Variants in SGIP1 observed in about 807,000 individuals in gnomAD.
SGIP1 encodes the protein SH3GL interacting endocytic adaptor 1, also known as SH3-containing GRB2-like protein 3-interacting protein 1.
SGIP1 carries 38 observed loss-of-function variants against 107.5 expected under a neutral mutation model. That is an observed-to-expected ratio of 0.35 (90% CI 0.27 to 0.46). SGIP1 has a LOEUF of 0.46. SGIP1 is among the 20% of genes least tolerant of loss of function. The probability of loss-of-function intolerance (pLI) is 1.00; values close to 1 mark genes in which losing one functional copy is unlikely to be tolerated. For synonymous variants in SGIP1, 365 were observed against 366.1 expected, an observed-to-expected ratio of 1.00 and a Z score of 0.03; for missense variants, 929 against 1,019.5, an observed-to-expected ratio of 0.91 and a Z score of 1.21.
At chr1:66,594,465 T>C (rs929490645) in intron 1 of SGIP1, among the ~76,000 whole-genome samples, 3 of 152,042 alleles carry the variant, frequency 2.0e-5, no homozygotes, top group Non-Finnish European at 4.4e-5. Context: ...TTTAGGAAGG[T>C]TGGTTCACAA....
intron 1 of SGIP1, among the ~76,000 whole-genome samples, chr1:66,624,400 A>G (rs4655642): frequency 0.53 from 80,323 of 152,106 alleles, 22,315 homozygotes; most frequent in East Asian, 0.87. Flanking sequence ...ATGTCAATAC[A>G]TTTTCCTATA....
chr1:66,687,818 G>A (rs900872371), intron 15 of SGIP1, among the ~76,000 whole-genome samples: 2 of 152,214 alleles, frequency 1.3e-5, no homozygotes, highest in African/African-American at 4.8e-5. Context: ...GTAGAGGAAG[G>A]TGGAGACAGA....
intron 24 of SGIP1, among the ~76,000 whole-genome samples, chr1:66,742,460 C>CGTTTTTTTT (rs2094478513): frequency 2.2e-5 from 1 of 45,104 alleles, no homozygotes; most frequent in Non-Finnish European, 4.3e-5. Flanking sequence ...AGCACCCTTT[C>CGTTTTTTTT]TTTTTTTTTT....
chr1:66,674,754 G>A (rs1233064331), intron 12 of SGIP1, among the ~76,000 whole-genome samples: 2 of 152,216 alleles, frequency 1.3e-5, no homozygotes, highest in Non-Finnish European at 2.9e-5. Context: ...GAAGTGGGGT[G>A]AGGACCACTG....
At chr1:66,677,245 C>A in intron 13 of SGIP1, 149 bp downstream of exon 13, 1 of 621,898 alleles carries the variant, frequency 1.6e-6, no homozygotes. Flanking sequence ...AACAGGCTTT[C>A]AAGTTAAAGA....
intron 3 of SGIP1, among the ~76,000 whole-genome samples, chr1:66,633,385 T>C (rs903876924): frequency 9.2e-5 from 14 of 152,272 alleles, no homozygotes; most frequent in African/African-American, 2.6e-4. Context: ...TCAACTGTTA[T>C]TTCATTTCCA....
intron 12 of SGIP1, among the ~76,000 whole-genome samples, chr1:66,674,844 T>C (rs1345373171): frequency 1.3e-5 from 2 of 152,182 alleles, no homozygotes; most frequent in Admixed American, 6.5e-5. Flanking sequence ...GGAGAGAATT[T>C]GGTGCTATGT....
At chr1:66,677,428 G>A (rs559276895) in intron 13 of SGIP1, among the ~76,000 whole-genome samples, 5 of 152,264 alleles carry the variant, frequency 3.3e-5, no homozygotes, top group African/African-American at 1.2e-4. Flanking sequence ...CAGGCATTAG[G>A]CTATCATATA....
At chr1:66,640,810 G>A (rs1420061761) in intron 5 of SGIP1, among the ~76,000 whole-genome samples, 2 of 145,950 alleles carry the variant, frequency 1.4e-5, no homozygotes, top group Non-Finnish European at 3.0e-5. Context: ...GAGAACTGAA[G>A]AAGGAGGAAA....
chr1:66,603,988 T>C (rs1424209890), intron 1 of SGIP1, among the ~76,000 whole-genome samples: 1 of 152,182 alleles, frequency 6.6e-6, no homozygotes, highest in African/African-American at 2.4e-5. Context: ...TTCTTTCCTT[T>C]TATTCCATAA....
At chr1:66,535,624 T>A (rs1238566575) in intron 1 of SGIP1, among the ~76,000 whole-genome samples, 1 of 152,188 alleles carries the variant, frequency 6.6e-6, no homozygotes, top group Non-Finnish European at 1.5e-5. Context: ...GAAGATAGCC[T>A]TAAAAGAGAG....
chr1:66,599,835 G>A (rs1417695694), intron 1 of SGIP1, among the ~76,000 whole-genome samples: 1 of 152,186 alleles, frequency 6.6e-6, no homozygotes, highest in Non-Finnish European at 1.5e-5. Context: ...TGGCTAGATG[G>A]CTGATCCTGC....
In SGIP1 at chr1:66,679,772, G is replaced by A. The variant is rs2086240174; in HGVS notation, c.814+20G>A. 1.3e-6 allele frequency: 2 copies of A among 1,578,242 alleles called. No individual in the cohort carries two copies. The highest frequency in any genetic ancestry group is 2.8e-5 in the African/African-American group (2 of 72,618). On this transcript the variant is annotated intron_variant, in intron 14 of 24. Transcript: ENST00000371037. ...GACCAGGTACGCTTTTGTTTTTTCA[G>A]TTCTGGGATGATGTGTCAAACAGAG...
chr1:66,731,219 G>A (rs769761072), intron 20 of SGIP1, among the ~76,000 whole-genome samples: 2 of 152,084 alleles, frequency 1.3e-5, no homozygotes, highest in Non-Finnish European at 2.9e-5. Context: ...CTCTTAATTC[G>A]AATTCTTGCT....
In SGIP1 at chr1:66,660,470, C is replaced by G. The variant is rs748813634; in HGVS notation, c.460-43C>G. 9 of 1,587,938 alleles carry G rather than the reference C, an allele frequency of 5.7e-6. No homozygotes were observed. The East Asian group carries it at 2.0e-4, about 36-fold the overall frequency. ...CTTCTTGAAAATACATTTCACCTCT[C>G]TCATTTTCTCTTTATTCTTCCTCCC... On this transcript the variant is annotated intron_variant, in intron 7 of 24. Coordinates refer to ENST00000371037, the MANE Select transcript of SGIP1 (RefSeq NM_032291.4).
intron 1 of SGIP1, among the ~76,000 whole-genome samples, chr1:66,579,288 C>A (rs775405785): frequency 6.6e-6 from 1 of 152,104 alleles, no homozygotes; most frequent in African/African-American, 2.4e-5. Flanking sequence ...TCTCACTGTC[C>A]CAGACCTTCA....
chr1:66,542,083 C>A (rs1288629936), intron 1 of SGIP1, among the ~76,000 whole-genome samples: 1 of 151,956 alleles, frequency 6.6e-6, no homozygotes, highest in Non-Finnish European at 1.5e-5. Context: ...TATTACCAAA[C>A]CCTATATGCA....
intron 10 of SGIP1, among the ~76,000 whole-genome samples, chr1:66,671,736 G>GT (rs1341594955): frequency 6.6e-6 from 1 of 152,150 alleles, no homozygotes; most frequent in African/African-American, 2.4e-5. Flanking sequence ...AGTTAATGAG[G>GT]TTTTACAAAT....
At chr1:66,578,130 T>C (rs995893144) in intron 1 of SGIP1, among the ~76,000 whole-genome samples, 1 of 152,200 alleles carries the variant, frequency 6.6e-6, no homozygotes, top group Non-Finnish European at 1.5e-5. Flanking sequence ...CTGGGCATTA[T>C]TGGGGGTAGA....
Sources: allele counts gnomAD v4.1 joint callset (sites outside exome capture counted in the v4.1 genomes callset), GRCh38; gene constraint gnomAD v4.1.1; transcripts MANE v1.5; gene names NCBI Gene and HGNC (gene_info 2026-07-23, HGNC 2026-07-21).